The following GDPD4 variants were observed in gnomAD, a reference collection of about 807,000 sequenced individuals.
The protein encoded by GDPD4 is glycerophosphodiester phosphodiesterase 6.
In GDPD4, 60 loss-of-function variants were observed where a neutral mutation model predicts 67.8. The ratio of observed to expected loss-of-function variants is 0.88; its 90% CI spans 0.72 to 1.10. The LOEUF (loss-of-function observed/expected upper bound fraction) is 1.10. GDPD4 is among the 50% of genes least tolerant of loss of function. GDPD4 has a pLI of 0.00. For missense variants in GDPD4, 623 were observed against 613.9 expected, an observed-to-expected ratio of 1.01 and a Z score of -0.16; for synonymous variants, 212 against 210.9, an observed-to-expected ratio of 1.00 and a Z score of -0.04.
chr11:77,269,848 T>A lies in GDPD4; in HGVS notation c.478+35A>T, dbSNP rs374395846. The A allele has an allele frequency of 5.1e-6, 6 of 1,172,226 alleles. No homozygotes were observed. In the Admixed American group the frequency reaches 6.2e-5, roughly 12 times the overall value. The allele number at this position is 1,172,226 out of a possible 1,614,324, so 72.6% of individuals were successfully genotyped here. ...ACATTTTCAAGTTACCACCTTTGCT[T>A]TAGTGACTTTCAAATCTCAGTCTCC... On this transcript the variant is annotated intron_variant, in intron 8 of 16. Transcript: ENST00000315938.
intron 1 of GDPD4, among the ~76,000 whole-genome samples, chr11:77,295,097 G>A (rs555671629): frequency 3.8e-4 from 58 of 151,276 alleles, no homozygotes; most frequent in African/African-American, 1.1e-3. Flanking sequence ...CTTGAGTAGC[G>A]GGGACTACAG....
Position 77,217,242 on chromosome 11 carries a change from CAGG to C in GDPD4, c.*32_*34del, listed in dbSNP as rs773352488. The C allele has an allele frequency of 3.0e-5, 46 of 1,533,332 alleles. No homozygotes were observed. The highest frequency in any genetic ancestry group is 3.7e-5 in the Non-Finnish European group (41 of 1,106,588). The allele number at this position is 1,533,332 out of a possible 1,614,324, so 95.0% of individuals were successfully genotyped here. A position where few individuals can be genotyped will look rare whatever the true frequency, so the allele number is the denominator to read the frequency against. On this transcript the variant is annotated 3_prime_UTR_variant, in exon 17 of 17. Transcript: ENST00000315938. ...GTCCAAGGACCTTCCACAACTCGGA[CAGG>C]AGGTTTCATGGCTATGTGCAAATCT...
chr11:77,291,269 C>T (rs117989583), intron 1 of GDPD4, among the ~76,000 whole-genome samples: 1,839 of 152,188 alleles, frequency 0.012, 18 homozygotes, highest in South Asian at 0.018. Flanking sequence ...AAGTCAGGCA[C>T]AAAAAGACAA....
At chr11:77,236,198 T>C (rs956904246) in intron 13 of GDPD4, among the ~76,000 whole-genome samples, 1 of 152,160 alleles carries the variant, frequency 6.6e-6, no homozygotes, top group African/African-American at 2.4e-5. Flanking sequence ...CCTTTTTTTC[T>C]TGTTATTAAA....
chr11:77,220,802 C>G (rs1421541618), intron 16 of GDPD4, among the ~76,000 whole-genome samples: 1 of 152,184 alleles, frequency 6.6e-6, no homozygotes, highest in South Asian at 2.1e-4. Flanking sequence ...CTTTGTATCT[C>G]TGGTAGAATT....
At position 77,217,186 on chromosome 11, in the gene GDPD4, C is replaced by T. The variant is rs1958139081; in HGVS notation, c.*91G>A. ...AATGGCCTTGGTGTTCCTTTCCACT[C>T]TTGGGTAGAGCCGGGTAGAGGGCTG... On this transcript the variant is annotated 3_prime_UTR_variant, in exon 17 of 17. Coordinates refer to ENST00000315938, the MANE Select transcript of GDPD4 (RefSeq NM_182833.3). 3.1e-6 allele frequency: 3 copies of T among 973,858 alleles called. No individual in the cohort carries two copies. The highest frequency in any genetic ancestry group is 2.1e-4 in the Middle Eastern group (1 of 4,862). The allele number at this position is 973,858 out of a possible 1,614,324, so 60.3% of individuals were successfully genotyped here.
intron 8 of GDPD4, among the ~76,000 whole-genome samples, chr11:77,269,593 A>C (rs2135871374): frequency 6.6e-6 from 1 of 152,240 alleles, no homozygotes; most frequent in East Asian, 1.9e-4. Flanking sequence ...TCTTCTGTAA[A>C]ATGGGGCTGT....
intron 13 of GDPD4, 95 bp downstream of exon 13, chr11:77,243,599 C>A: frequency 1.8e-6 from 2 of 1,082,746 alleles, no homozygotes; most frequent in East Asian, 2.4e-5. Context: ...ACAGAAATTC[C>A]GAGATGGAAA....
intron 1 of GDPD4, among the ~76,000 whole-genome samples, chr11:77,295,982 T>G (rs911039562): frequency 6.6e-6 from 1 of 151,868 alleles, no homozygotes; most frequent in Non-Finnish European, 1.5e-5. Context: ...CCAGGCGCGG[T>G]GGCTCACGCC....
intron 14 of GDPD4, among the ~76,000 whole-genome samples, chr11:77,232,370 CTCTGTACAGATAAGAACAAGT>C (rs968644624): frequency 1.3e-5 from 2 of 152,218 alleles, no homozygotes; most frequent in Non-Finnish European, 2.9e-5. Flanking sequence ...TCAACCTACT[CTCTGTACAGATAAGAACAAGT>C]TCTGTAGCAG....
In GDPD4 at chr11:77,216,981, C is replaced by G; in HGVS notation, c.*296G>C. On this transcript the variant is annotated 3_prime_UTR_variant, in exon 17 of 17. Coordinates refer to ENST00000315938, the MANE Select transcript of GDPD4 (RefSeq NM_182833.3). ...ATGGAGGGCATGGTTGGCTTATCCA[C>G]CTTCAGGGTGGGCAATGTAGTTTGA... 1.4e-6 allele frequency: 1 copy of G among 702,978 alleles called. No individual in the cohort carries two copies. The highest frequency in any genetic ancestry group is 2.6e-6 in the Non-Finnish European group (1 of 384,998). The allele number at this position is 702,978 out of a possible 1,614,324, so 43.5% of individuals were successfully genotyped here.
chr11:77,254,482 C>A (rs1958964225), intron 11 of GDPD4, among the ~76,000 whole-genome samples: 1 of 152,040 alleles, frequency 6.6e-6, no homozygotes, highest in African/African-American at 2.4e-5. Context: ...TTTTGGCTGT[C>A]TTTGTGGAAG....
At chr11:77,255,630 G>C (rs1958988907) in intron 11 of GDPD4, among the ~76,000 whole-genome samples, 1 of 152,082 alleles carries the variant, frequency 6.6e-6, no homozygotes, top group Non-Finnish European at 1.5e-5. Context: ...GGAGGCCAAG[G>C]TGGGCAGATC....
In GDPD4 at chr11:77,217,117, A is replaced by ATTCT. The variant is rs1218381574; in HGVS notation, c.*156_*159dup. On this transcript the variant is annotated 3_prime_UTR_variant, in exon 17 of 17. Transcript: ENST00000315938. ...TGCCAGGCTTCAAAGGTGTGACAGC[A>ATTCT]TTCTTGATAGGTAGTAGTTTCTTGG... is the stretch of plus-strand genomic sequence containing the variant. The ATTCT allele has an allele frequency of 7.0e-6, 5 of 719,282 alleles. No homozygotes were observed. Among genetic ancestry groups the ATTCT allele is most frequent in the Non-Finnish European group, 1.0e-5 (4 of 389,772 alleles). 44.6% of individuals were successfully genotyped at this position (719,282 alleles called of 1,614,324 possible). A position where few individuals can be genotyped will look rare whatever the true frequency, so the allele number is the denominator to read the frequency against.
intron 16 of GDPD4, among the ~76,000 whole-genome samples, chr11:77,223,687 G>C (rs1273240710): frequency 6.6e-6 from 1 of 152,308 alleles, no homozygotes; most frequent in South Asian, 2.1e-4. Flanking sequence ...TCTGTTCTCA[G>C]AGCTCAAACA....
At chr11:77,248,068 A>G (rs1023010613) in intron 11 of GDPD4, among the ~76,000 whole-genome samples, 14 of 150,798 alleles carry the variant, frequency 9.3e-5, no homozygotes, top group East Asian at 1.9e-4. Context: ...AAAAAAAAAA[A>G]AAAGAAAAGA....
In GDPD4 at chr11:77,233,185, C is replaced by A. The variant is rs1180411452; in HGVS notation, c.1242-13G>T. 6.2e-7 allele frequency: 1 copy of A among 1,611,420 alleles called. No individual in the cohort carries two copies. Among genetic ancestry groups the A allele is most frequent in the Non-Finnish European group, 8.5e-7 (1 of 1,177,822 alleles). On this transcript the variant is annotated splice_polypyrimidine_tract_variant and intron_variant, in intron 13 of 16. Transcript: ENST00000315938. ...TGCTTTATAATCTCTGGAACAAAAA[C>A]AGAACCCACAGGGGATTTAGATCAA...
chr11:77,243,174 T>TTGTATATTTATAAA (rs1188958442), intron 13 of GDPD4, among the ~76,000 whole-genome samples: 1 of 152,332 alleles, frequency 6.6e-6, no homozygotes, highest in Non-Finnish European at 1.5e-5. Flanking sequence ...TTGTCTCTAA[T>TTGTATATTTATAAA]TGTATATTTA....
chr11:77,220,956 T>C (rs1958212697), intron 16 of GDPD4, among the ~76,000 whole-genome samples: 1 of 152,166 alleles, frequency 6.6e-6, no homozygotes, highest in Admixed American at 6.6e-5. Flanking sequence ...ACTTTAGTTT[T>C]GGGAGGGTGA....
Sources: gnomAD v4.1 joint callset for allele counts (sites outside exome capture counted in the v4.1 genomes callset) on GRCh38, gnomAD v4.1.1 for gene constraint, MANE v1.5 for transcripts, NCBI Gene and HGNC (gene_info 2026-07-23, HGNC 2026-07-21) for gene names.